Variants in SLC25A19 observed in about 807,000 individuals in gnomAD.
The protein encoded by SLC25A19 is mitochondrial thiamine pyrophosphate carrier.
Under a neutral mutation model 27.9 loss-of-function variants are expected in SLC25A19, and 18 were observed. That is an observed-to-expected ratio of 0.64 (90% confidence interval 0.45 to 0.96). The LOEUF is 0.96. Among genes scored for constraint, SLC25A19 ranks in the 40% least tolerant of loss-of-function variants. The pLI, the probability that SLC25A19 is intolerant of heterozygous loss-of-function variation, is 0.00. For synonymous variants in SLC25A19, 169 were observed against 167.1 expected (o/e 1.01, Z -0.09); for missense variants, 371 against 418.3 (o/e 0.89, Z 0.99).
At position 75,277,368 on chromosome 17, in the gene SLC25A19, T is replaced by C. The variant is rs2077915986; in HGVS notation, c.759A>G (p.Arg253=). The part of the protein sequence containing the change: ...RLQVGGFEHA[R]AAFGQVRRYK... ...AACGGCTCACCTGGCCAAAGGCAGC[T>C]CTGGCATGCTCAAACCCTCCAACCT... The change falls in exon 7 of 8, where the codon AGA becomes AGG. Residue 253 remains arginine (R), a synonymous_variant. Coordinates refer to ENST00000416858, the MANE Select transcript of SLC25A19 (RefSeq NM_001126121.2). 6.2e-7 allele frequency: 1 copy of C among 1,613,620 alleles called. No individual in the cohort carries two copies. The highest frequency in any genetic ancestry group is 1.1e-5 in the South Asian group (1 of 91,066).
At position 75,273,330 on chromosome 17, in the gene SLC25A19, TG is replaced by T; in HGVS notation, c.*120del. The T allele has an allele frequency of 8.7e-7, 1 of 1,148,738 alleles. No homozygotes were observed. Among genetic ancestry groups the T allele is most frequent in the South Asian group, 1.3e-5 (1 of 74,748 alleles). 71.2% of individuals were successfully genotyped at this position (1,148,738 alleles called of 1,614,324 possible). On this transcript the variant is annotated 3_prime_UTR_variant, in exon 8 of 8. Transcript: ENST00000416858. Reference sequence around the variant, plus strand: ...TGTCCCAGCTGGGTGGGTTCAAGGCTGCTACCCCGCTTGGGGCAGCTGGCCT... The same window carrying T: ...TGTCCCAGCTGGGTGGGTTCAAGGCTCTACCCCGCTTGGGGCAGCTGGCCT...
intron 5 of SLC25A19, 112 bp downstream of exon 5, chr17:75,283,311 A>G: frequency 8.1e-7 from 1 of 1,237,180 alleles, no homozygotes; most frequent in East Asian, 2.7e-5. Flanking sequence ...AAACAAAACA[A>G]AACAGAACAA....
intron 7 of SLC25A19, among the ~76,000 whole-genome samples, chr17:75,276,534 ATTTTT>A (rs2077891869): frequency 6.7e-6 from 1 of 149,464 alleles, no homozygotes; most frequent in African/African-American, 2.4e-5. Flanking sequence ...TACCCAGCTA[ATTTTT>A]ATATTTTTAG....
chr17:75,286,168 G>A lies in SLC25A19; in HGVS notation c.288+136C>T, dbSNP rs116773049. The A allele has an allele frequency of 4.3e-4, 458 of 1,072,446 alleles. 1 individual carries two copies. The African/African-American group carries it at 6.2e-3, about 14-fold the overall frequency. 66.4% of individuals were successfully genotyped at this position (1,072,446 alleles called of 1,614,324 possible). ...GTACTGCTGGTCAGGAAGGCTCCCG[G>A]GTGAGGCAGGTGGGAAGCGTGGGGC... On this transcript the variant is annotated intron_variant, in intron 4 of 7. Coordinates refer to ENST00000416858, the MANE Select transcript of SLC25A19 (RefSeq NM_001126121.2).
In SLC25A19 at chr17:75,273,394, G is replaced by T; in HGVS notation, c.*57C>A. ...CAGACGGCACCTCTCAGTGGAGACT[G>T]AATCTTCCTTCCTTCAGGAGGCTGC... On this transcript the variant is annotated 3_prime_UTR_variant, in exon 8 of 8. Coordinates refer to ENST00000416858, the MANE Select transcript of SLC25A19 (RefSeq NM_001126121.2). 6.4e-7 allele frequency: 1 copy of T among 1,571,002 alleles called. No individual in the cohort carries two copies. Among genetic ancestry groups the T allele is most frequent in the South Asian group, 1.1e-5 (1 of 88,532 alleles).
Position 75,278,171 on chromosome 17 carries a change from TG to T in SLC25A19, c.623del (p.Pro208GlnfsTer26). On this transcript the variant is annotated frameshift_variant, in exon 6 of 8. Coordinates refer to ENST00000416858, the MANE Select transcript of SLC25A19 (RefSeq NM_001126121.2). LOFTEE classifies it high-confidence loss of function. ...SLKHLYKWAI[P>X]AEGKKNENLQ... ...CCTCACCATTTTTCTTTCCTTCGGC[TG>T]GTATGGCCCACTTGTACAGGTGCTT... The T allele has an allele frequency of 6.2e-7, 1 of 1,613,802 alleles. No homozygotes were observed. The highest frequency in any genetic ancestry group is 1.1e-5 in the South Asian group (1 of 91,046).
chr17:75,285,345 G>A (rs1478618914), intron 4 of SLC25A19, among the ~76,000 whole-genome samples: 1 of 152,158 alleles, frequency 6.6e-6, no homozygotes, highest in Non-Finnish European at 1.5e-5. Flanking sequence ...CATGATCGTG[G>A]CTCACTGCAG....
rs543517521 is a variant in SLC25A19, at chr17:75,275,970, C to CAA, written c.774+1381_774+1382dup. 4.7e-4 allele frequency among the ~76,000 whole-genome samples: 69 copies of CAA among 147,316 alleles called. No individual in the cohort carries two copies. The East Asian group carries it at 6.3e-3, about 13-fold the overall frequency. Reference sequence around the variant, plus strand: ...TGGGCAAAAGAGCGAGACTCCGTCTCAAAAAATATATATATATATATGGCT... The same window carrying CAA: ...TGGGCAAAAGAGCGAGACTCCGTCTCAAAAAAAATATATATATATATATGGCT... On this transcript the variant is annotated intron_variant, in intron 7 of 7. Transcript: ENST00000416858.
In SLC25A19 at chr17:75,284,343, C is replaced by A. The variant is rs544720158; in HGVS notation, c.289-750G>T. Reference sequence around the variant, plus strand: ...GCCTGAACCCAGGAGGCGGAGGTTGCAGTGAGCTGAGATTGCGCCACTGCA... The same window carrying A: ...GCCTGAACCCAGGAGGCGGAGGTTGAAGTGAGCTGAGATTGCGCCACTGCA... On this transcript the variant is annotated intron_variant, in intron 4 of 7. Coordinates refer to ENST00000416858, the MANE Select transcript of SLC25A19 (RefSeq NM_001126121.2). 1.1e-3 allele frequency among the ~76,000 whole-genome samples: 175 copies of A among 152,306 alleles called. 1 individual carries two copies. Among genetic ancestry groups the A allele is most frequent in the Non-Finnish European group, 2.0e-3 (137 of 68,032 alleles).
intron 7 of SLC25A19, among the ~76,000 whole-genome samples, chr17:75,275,000 T>G (rs2077839533): frequency 1.6e-5 from 2 of 128,868 alleles, no homozygotes; most frequent in Admixed American, 7.7e-5. Context: ...TTTTTTTTTT[T>G]TTTTTTGAGA....
chr17:75,276,849 G>GTT (rs377387748), intron 7 of SLC25A19, among the ~76,000 whole-genome samples: 1 of 134,094 alleles, frequency 7.5e-6, no homozygotes, highest in Admixed American at 7.5e-5. Context: ...TAATTTTTTT[G>GTT]TTTTTTTTTT....
rs985352420 is a variant in SLC25A19, at chr17:75,276,884, C to T, written c.774+469G>A. Among the ~76,000 whole-genome samples the T allele has an allele frequency of 5.3e-5, 8 of 149,716 alleles. No individual in the cohort carries two copies. In the East Asian group the frequency reaches 5.9e-4, roughly 11 times the overall value. ...TTTTTTAGTAGAGATGGGCTTTCAC[C>T]GTGTTATCCAGGATGGTCTCGATCT... is the stretch of plus-strand genomic sequence containing the variant. On this transcript the variant is annotated intron_variant, in intron 7 of 7. Coordinates refer to ENST00000416858, the MANE Select transcript of SLC25A19 (RefSeq NM_001126121.2).
chr17:75,287,915 G>A (rs1461164479), intron 2 of SLC25A19, among the ~76,000 whole-genome samples: 2 of 152,162 alleles, frequency 1.3e-5, no homozygotes, highest in African/African-American at 4.8e-5. Context: ...AGGCCGAGGC[G>A]GGTGGATCGC....
chr17:75,287,806 C>CA (rs1445098453), intron 2 of SLC25A19: 1 of 152,466 alleles, frequency 6.6e-6, no homozygotes, highest in Non-Finnish European at 1.5e-5. Context: ...CTCCTGCACA[C>CA]ACCTCAGACC....
rs953982278 is a variant in SLC25A19, at chr17:75,273,275, T to C, written c.*176A>G. The stretch of plus-strand genomic sequence containing the variant: ...ACGTCCTGCATTCCCTCTGATTCTC[T>C]CATGGGGAGAGCCCTGGACCTTCTG... On this transcript the variant is annotated 3_prime_UTR_variant, in exon 8 of 8. Coordinates refer to ENST00000416858, the MANE Select transcript of SLC25A19 (RefSeq NM_001126121.2). 9 of 643,986 alleles carry C rather than the reference T, an allele frequency of 1.4e-5. No individual in the cohort carries two copies. The highest frequency in any genetic ancestry group is 2.7e-5 in the Admixed American group (1 of 36,770). The allele number at this position is 643,986 out of a possible 1,614,324, so 39.9% of individuals were successfully genotyped here.
At chr17:75,282,914 A>G (rs2078077105) in intron 5 of SLC25A19, among the ~76,000 whole-genome samples, 1 of 151,534 alleles carries the variant, frequency 6.6e-6, no homozygotes, top group Admixed American at 6.6e-5. Flanking sequence ...TAAAAAAAAC[A>G]TGCTTATCAA....
intron 7 of SLC25A19, among the ~76,000 whole-genome samples, chr17:75,276,439 C>T (rs923052537): frequency 3.2e-4 from 48 of 152,254 alleles, no homozygotes; most frequent in African/African-American, 1.1e-3. Context: ...GCAATCGTGG[C>T]TCCCTGTAAC....
At chr17:75,286,930 A>T in intron 2 of SLC25A19, 128 bp from the exon 3 acceptor site, 2 of 925,884 alleles carry the variant, frequency 2.2e-6, no homozygotes, top group Non-Finnish European at 3.3e-6. Flanking sequence ...GACTGGGCGC[A>T]GCGGTTCATG....
intron 6 of SLC25A19, 54 bp from the exon 7 acceptor site, chr17:75,277,537 G>A (rs2077922391): frequency 4.4e-6 from 7 of 1,608,470 alleles, no homozygotes; most frequent in Non-Finnish European, 5.9e-6. Context: ...CAGTCTATGG[G>A]TGACAACTTA....
Sources: allele counts gnomAD v4.1 joint callset (sites outside exome capture counted in the v4.1 genomes callset), GRCh38; gene constraint gnomAD v4.1.1; transcripts MANE v1.5; gene names NCBI Gene and HGNC (gene_info 2026-07-23, HGNC 2026-07-21).